ARHGEF10L: variants seen among roughly 807,000 people sequenced by gnomAD.
ARHGEF10L encodes the protein rho guanine nucleotide exchange factor 10-like protein.
In ARHGEF10L, 69 loss-of-function variants were observed where a neutral mutation model predicts 141.2. The observed-to-expected ratio is 0.49, with a 90% CI of 0.40 to 0.60. The LOEUF (loss-of-function observed/expected upper bound fraction) is 0.60. ARHGEF10L is among the 20% of genes least tolerant of loss of function. The pLI, the probability that ARHGEF10L is intolerant of heterozygous loss-of-function variation, is 0.00. For synonymous variants in ARHGEF10L, 711 were observed against 718.5 expected (o/e 0.99, Z 0.17); for missense variants, 1,482 against 1,734.3 (o/e 0.85, Z 2.58).
At chr1:17,662,946 G>A (rs2062719941) in intron 25 of ARHGEF10L, among the ~76,000 whole-genome samples, 1 of 152,112 alleles carries the variant, frequency 6.6e-6, no homozygotes. Flanking sequence ...CTGCCTTCTA[G>A]TCCCCCGCCA....
At position 17,607,585 on chromosome 1, in the gene ARHGEF10L, T is replaced by G. The variant is rs898216920; in HGVS notation, c.434-217T>G. Among the ~76,000 whole-genome samples the G allele has an allele frequency of 6.6e-6, 1 of 151,968 alleles. No homozygotes were observed. The highest frequency in any genetic ancestry group is 2.4e-5 in the African/African-American group (1 of 41,360). ...GTGCACGTCTGACCCATTTCTTGGGTTTTCCCCATTTTCTCAGGCCCTCCT... is the reference window on the plus strand; with the variant it reads ...GTGCACGTCTGACCCATTTCTTGGGGTTTCCCCATTTTCTCAGGCCCTCCT... On this transcript the variant is annotated intron_variant, in intron 6 of 28. Coordinates refer to ENST00000361221, the MANE Select transcript of ARHGEF10L (RefSeq NM_018125.4). This position sits in a 1 kb window ranked among gnomAD's most constrained non-coding sequence, Gnocchi z 4.5.
Position 17,607,027 on chromosome 1 carries a change from C to G in ARHGEF10L, c.434-775C>G, listed in dbSNP as rs1185811558. ...GCTCCTGGACTCTGGGCCAGCTGCG[C>G]CCCCTACTGGAAGATCCCAGGCTGC... On this transcript the variant is annotated intron_variant, in intron 6 of 28. Transcript: ENST00000361221. This position sits in a 1 kb window ranked among gnomAD's most constrained non-coding sequence, Gnocchi z 4.5. Among the ~76,000 whole-genome samples the G allele has an allele frequency of 6.6e-6, 1 of 152,228 alleles. No homozygotes were observed. The highest frequency in any genetic ancestry group is 2.4e-5 in the African/African-American group (1 of 41,456).
At chr1:17,566,459 C>T (rs1042279775) in intron 1 of ARHGEF10L, among the ~76,000 whole-genome samples, 2 of 152,246 alleles carry the variant, frequency 1.3e-5, no homozygotes, top group African/African-American at 4.8e-5. Flanking sequence ...CCCTCCCCAA[C>T]ATCCCATGTA....
chr1:17,521,184 C>CTGTTTTGTTT, the ARHGEF10L span, among the ~76,000 whole-genome samples: 104 of 152,210 alleles, frequency 6.8e-4, no homozygotes, highest in Admixed American at 4.6e-4. Context: ...GGAGAGCTCA[C>CTGTTTTGTTT]TGTTTTGTTT....
intron 9 of ARHGEF10L, chr1:17,618,281 C>T (rs551824674): frequency 8.8e-5 from 127 of 1,437,614 alleles, no homozygotes; most frequent in South Asian, 6.5e-4. Context: ...ACAAGCCCAG[C>T]GCCTTCCTGA....
chr1:17,687,818 C>A, intron 27 of ARHGEF10L, 71 bp downstream of exon 27: 4 of 1,456,248 alleles, frequency 2.7e-6, no homozygotes, highest in Non-Finnish European at 3.7e-6. Context: ...GTGGTGTGAC[C>A]TGGGCAGCCC....
chr1:17,586,012 T>C (rs910105310), intron 2 of ARHGEF10L, among the ~76,000 whole-genome samples: 1 of 152,248 alleles, frequency 6.6e-6, no homozygotes, highest in Admixed American at 6.5e-5. Flanking sequence ...GGGGGACATA[T>C]GGCAATGTGT....
intron 7 of ARHGEF10L, among the ~76,000 whole-genome samples, chr1:17,612,616 A>T (rs1379331070): frequency 6.6e-6 from 1 of 152,024 alleles, no homozygotes; most frequent in Admixed American, 6.6e-5. Flanking sequence ...CCCCAACCTC[A>T]TTCCATCTAT....
chr1:17,521,164 C>A, the ARHGEF10L span, among the ~76,000 whole-genome samples: 1 of 152,192 alleles, frequency 6.6e-6, no homozygotes, highest in Non-Finnish European at 1.5e-5. Flanking sequence ...GCTTGACTAT[C>A]TCCGGGAATG....
Position 17,623,295 on chromosome 1 carries a change from T to C in ARHGEF10L, c.1200+120T>C. On this transcript the variant is annotated intron_variant, in intron 12 of 28. Transcript: ENST00000361221. The surrounding 1 kb of genome is among the most constrained non-coding windows in gnomAD (Gnocchi z 4.7). ...GCTTGCCTTGTTCAAGTCAGTGGGA[T>C]TAGAGGGTGGCAGGGTCTTCTGGGC... 1 of 1,250,870 alleles carries C rather than the reference T, an allele frequency of 8.0e-7. No individual in the cohort carries two copies. Among genetic ancestry groups the C allele is most frequent in the South Asian group, 1.5e-5 (1 of 67,140 alleles). The allele number at this position is 1,250,870 out of a possible 1,614,324, so 77.5% of individuals were successfully genotyped here.
At chr1:17,660,137 C>G (rs1018290413) in intron 25 of ARHGEF10L, among the ~76,000 whole-genome samples, 5 of 152,230 alleles carry the variant, frequency 3.3e-5, no homozygotes, top group African/African-American at 1.2e-4. Flanking sequence ...CAGCCGGCCA[C>G]TGTCCTTGCT....
At position 17,623,279 on chromosome 1, in the gene ARHGEF10L, G is replaced by C. The variant is rs2060204042; in HGVS notation, c.1200+104G>C. 7.3e-6 allele frequency: 10 copies of C among 1,374,138 alleles called. No individual in the cohort carries two copies. Among genetic ancestry groups the C allele is most frequent in the Non-Finnish European group, 8.0e-6 (8 of 1,004,916 alleles). 85.1% of individuals were successfully genotyped at this position (1,374,138 alleles called of 1,614,324 possible). A position where few individuals can be genotyped will look rare whatever the true frequency, so the allele number is the denominator to read the frequency against. ...CCTCCTGCCTCTGCCTGCTTGCCTT[G>C]TTCAAGTCAGTGGGATTAGAGGGTG... On this transcript the variant is annotated intron_variant, in intron 12 of 28. Coordinates refer to ENST00000361221, the MANE Select transcript of ARHGEF10L (RefSeq NM_018125.4). The surrounding 1 kb of genome is among the most constrained non-coding windows in gnomAD (Gnocchi z 4.7).
intron 26 of ARHGEF10L, among the ~76,000 whole-genome samples, chr1:17,682,280 C>T (rs1224062882): frequency 6.6e-6 from 1 of 152,110 alleles, no homozygotes; most frequent in Non-Finnish European, 1.5e-5. Flanking sequence ...GATTTGAGAT[C>T]CTGGAGTCTA....
chr1:17,565,446 G>A (rs755926299), intron 1 of ARHGEF10L, among the ~76,000 whole-genome samples: 8 of 152,132 alleles, frequency 5.3e-5, no homozygotes, highest in Admixed American at 1.3e-4. Context: ...CCATGCTTTT[G>A]GTCACCCTTT....
At chr1:17,527,292 C>T in the ARHGEF10L span, among the ~76,000 whole-genome samples, 4 of 152,194 alleles carry the variant, frequency 2.6e-5, no homozygotes, top group Admixed American at 6.5e-5. Flanking sequence ...TTCATGTGGT[C>T]GGAGGATTTG....
At chr1:17,645,082 CA>C (rs2101890434) in intron 21 of ARHGEF10L, among the ~76,000 whole-genome samples, 1 of 152,242 alleles carries the variant, frequency 6.6e-6, no homozygotes, top group South Asian at 2.1e-4. Context: ...CCCTGTGTCC[CA>C]TGGGGAGCTC....
chr1:17,594,073 T>C (rs1279473484), intron 4 of ARHGEF10L, among the ~76,000 whole-genome samples: 1 of 151,552 alleles, frequency 6.6e-6, no homozygotes, highest in Non-Finnish European at 1.5e-5. Context: ...CGATGGGGGC[T>C]GACATGCTCT....
chr1:17,680,053 G>A (rs942315399), intron 26 of ARHGEF10L, among the ~76,000 whole-genome samples: 2 of 152,256 alleles, frequency 1.3e-5, no homozygotes, highest in African/African-American at 2.4e-5. Flanking sequence ...CGAGGTGCAC[G>A]CTTCTGCCCC....
Position 17,641,412 on chromosome 1 carries a change from A to G in ARHGEF10L, c.2272+1110A>G, listed in dbSNP as rs1165689667. Among the ~76,000 whole-genome samples the G allele has an allele frequency of 2.0e-5, 3 of 152,112 alleles. No individual in the cohort carries two copies. The East Asian group carries it at 5.8e-4, about 30-fold the overall frequency. On this transcript the variant is annotated intron_variant, in intron 21 of 28. Coordinates refer to ENST00000361221, the MANE Select transcript of ARHGEF10L (RefSeq NM_018125.4). ...TTTGGGAGGCTGAGGCGGGTGGATC[A>G]CAAGGTCAGGAGATCGAGACCATCC...
Sources: allele counts gnomAD v4.1 joint callset (sites outside exome capture counted in the v4.1 genomes callset), GRCh38; gene constraint gnomAD v4.1.1; non-coding constraint Gnocchi (gnomAD v3.1); transcripts MANE v1.5; gene names NCBI Gene and HGNC (gene_info 2026-07-23, HGNC 2026-07-21).